Variants in SLC24A2 observed in about 807,000 individuals in gnomAD.
The protein encoded by SLC24A2 is sodium/potassium/calcium exchanger 2.
In SLC24A2, 36 loss-of-function variants were observed where a neutral mutation model predicts 62.0. That is an observed-to-expected ratio of 0.58 (90% CI 0.44 to 0.77). SLC24A2 has a LOEUF of 0.77. Ranked by LOEUF, SLC24A2 falls within the 30% of genes least tolerant of loss-of-function variation. The probability of loss-of-function intolerance (pLI) is 0.00; values close to 1 mark genes in which losing one functional copy is unlikely to be tolerated. For synonymous variants in SLC24A2, 358 were observed against 294.0 expected (o/e 1.22, Z -2.23); for missense variants, 846 against 817.9 (o/e 1.03, Z -0.42).
chr9:20,013,819 AT>A, the SLC24A2 span, among the ~76,000 whole-genome samples: 1 of 152,230 alleles, frequency 6.6e-6, no homozygotes, highest in Non-Finnish European at 1.5e-5. Flanking sequence ...CAATAGGTAG[AT>A]GAAAAAATGC....
chr9:19,878,120 T>C, the SLC24A2 span, among the ~76,000 whole-genome samples: 1 of 152,172 alleles, frequency 6.6e-6, no homozygotes, highest in Non-Finnish European at 1.5e-5. Flanking sequence ...CAACACCTAC[T>C]GCTCTTACTT....
intron 2 of SLC24A2, among the ~76,000 whole-genome samples, chr9:19,741,218 G>A (rs1821667113): frequency 6.6e-6 from 1 of 152,124 alleles, no homozygotes; most frequent in Non-Finnish European, 1.5e-5. Flanking sequence ...CAGGCTTTGT[G>A]ACACTTGAGA....
chr9:20,058,535 G>A, the SLC24A2 span, among the ~76,000 whole-genome samples: 1 of 143,204 alleles, frequency 7.0e-6, no homozygotes, highest in South Asian at 2.1e-4. Flanking sequence ...ATTTGGGAAA[G>A]ACTCAGATTT....
At chr9:20,160,155 T>C in the SLC24A2 span, among the ~76,000 whole-genome samples, 1 of 151,348 alleles carries the variant, frequency 6.6e-6, no homozygotes, top group Non-Finnish European at 1.5e-5. Flanking sequence ...TAATATCAGA[T>C]AACATAAAAT....
At chr9:19,926,701 C>T in the SLC24A2 span, 5 of 152,338 alleles carry the variant, frequency 3.3e-5, no homozygotes, top group African/African-American at 1.2e-4. Flanking sequence ...ACCAAACAGA[C>T]TGCAGACCTG....
the SLC24A2 span, among the ~76,000 whole-genome samples, chr9:19,964,161 T>C: frequency 1.5e-5 from 2 of 136,770 alleles, no homozygotes; most frequent in Admixed American, 8.5e-5. Flanking sequence ...TAGATGAGAA[T>C]TGAACAATGA....
At chr9:19,620,616 A>C (rs1002247459) in intron 3 of SLC24A2, among the ~76,000 whole-genome samples, 8 of 152,138 alleles carry the variant, frequency 5.3e-5, no homozygotes, top group Non-Finnish European at 1.0e-4. Context: ...ACAACCTAAA[A>C]ACTCCCAAAC....
the SLC24A2 span, among the ~76,000 whole-genome samples, chr9:20,190,214 A>T: frequency 6.6e-6 from 1 of 152,180 alleles, no homozygotes; most frequent in Non-Finnish European, 1.5e-5. Context: ...GAGATAAGTC[A>T]GGTAACTCAT....
intron 2 of SLC24A2, among the ~76,000 whole-genome samples, chr9:19,752,176 A>G (rs1034973752): frequency 9.9e-5 from 15 of 152,196 alleles, no homozygotes; most frequent in African/African-American, 3.4e-4. Context: ...AACTAGAGAG[A>G]AGAGGTGCAG....
At chr9:19,574,340 T>C (rs917615610) in intron 6 of SLC24A2, among the ~76,000 whole-genome samples, 1 of 152,162 alleles carries the variant, frequency 6.6e-6, no homozygotes, top group African/African-American at 2.4e-5. Context: ...CAAGTGCAGA[T>C]TTGACACTTG....
At chr9:19,845,766 C>T in the SLC24A2 span, among the ~76,000 whole-genome samples, 6 of 152,054 alleles carry the variant, frequency 3.9e-5, no homozygotes, top group Admixed American at 3.9e-4. Context: ...TTGTTGCATT[C>T]CAGAGATTTT....
intron 10 of SLC24A2, among the ~76,000 whole-genome samples, chr9:19,516,772 G>A (rs1832949365): frequency 6.6e-6 from 1 of 152,188 alleles, no homozygotes; most frequent in Admixed American, 6.5e-5. Context: ...GATTTGCACA[G>A]GGTGAAGGGA....
intron 2 of SLC24A2, among the ~76,000 whole-genome samples, chr9:19,624,833 G>T (rs1369429468): frequency 6.6e-6 from 1 of 152,146 alleles, no homozygotes; most frequent in Admixed American, 6.6e-5. Flanking sequence ...ATTTCCAGGG[G>T]CTCACCCACA....
chr9:19,708,676 A>G (rs1820612951), intron 2 of SLC24A2, among the ~76,000 whole-genome samples: 1 of 152,246 alleles, frequency 6.6e-6, no homozygotes, highest in Middle Eastern at 3.2e-3. Context: ...TATTTAATAA[A>G]TGGTGCTGGG....
At chr9:19,663,975 C>A (rs1819177312) in intron 2 of SLC24A2, among the ~76,000 whole-genome samples, 1 of 152,226 alleles carries the variant, frequency 6.6e-6, no homozygotes, top group African/African-American at 2.4e-5. Flanking sequence ...AAAGAGATGG[C>A]AAAGCTGCTC....
the SLC24A2 span, among the ~76,000 whole-genome samples, chr9:19,915,435 C>G: frequency 6.6e-6 from 1 of 152,162 alleles, no homozygotes; most frequent in Admixed American, 6.6e-5. Context: ...TTTCAATTCT[C>G]TTGGGCATAT....
the SLC24A2 span, among the ~76,000 whole-genome samples, chr9:19,825,064 T>C: frequency 6.6e-6 from 1 of 152,136 alleles, no homozygotes; most frequent in Non-Finnish European, 1.5e-5. Flanking sequence ...AAATACCTAA[T>C]GGCTGTGAGG....
chr9:19,883,626 T>C, the SLC24A2 span, among the ~76,000 whole-genome samples: 9 of 151,064 alleles, frequency 6.0e-5, no homozygotes, highest in Admixed American at 1.3e-4. Flanking sequence ...AGTGCAGTGG[T>C]GCTATCTCGG....
the SLC24A2 span, among the ~76,000 whole-genome samples, chr9:19,883,571 G>GTTTT: frequency 1.4e-5 from 2 of 147,854 alleles, no homozygotes; most frequent in Non-Finnish European, 3.0e-5. Flanking sequence ...TCTGTACATT[G>GTTTT]TTTTTTTTTT....
Sources: allele counts gnomAD v4.1 joint callset (sites outside exome capture counted in the v4.1 genomes callset), GRCh38; gene constraint gnomAD v4.1.1; transcripts MANE v1.5; gene names NCBI Gene and HGNC (gene_info 2026-07-23, HGNC 2026-07-21).